Variants in BICRA observed in about 807,000 individuals in gnomAD.
The protein encoded by BICRA is BRD4-interacting chromatin-remodeling complex-associated protein.
Under a neutral mutation model 96.9 loss-of-function variants are expected in BICRA, and 31 were observed. The observed-to-expected ratio is 0.32, with a 90% confidence interval of 0.24 to 0.43. BICRA has a LOEUF of 0.43. BICRA is among the 20% of genes least tolerant of loss of function. The pLI, the probability that BICRA is intolerant of heterozygous loss-of-function variation, is 1.00. For synonymous variants in BICRA, 1,350 were observed against 1,071.8 expected (o/e 1.26, Z -5.07); for missense variants, 2,283 against 2,190.3 (o/e 1.04, Z -0.84).
intron 1 of BICRA, among the ~76,000 whole-genome samples, chr19:47,635,937 A>C (rs1418060048): frequency 3.3e-5 from 5 of 152,192 alleles, no homozygotes; most frequent in Admixed American, 3.3e-4. Flanking sequence ...CCAAAATCTG[A>C]AACTTTTTGA....
At chr19:47,638,861 G>A (rs1972340916) in intron 1 of BICRA, among the ~76,000 whole-genome samples, 1 of 152,024 alleles carries the variant, frequency 6.6e-6, no homozygotes, top group Admixed American at 6.6e-5. Flanking sequence ...CACCATGTTG[G>A]CCAGGCTGGT....
At chr19:47,682,316 C>G (rs371676306) in intron 7 of BICRA, among the ~76,000 whole-genome samples, 164 bp downstream of exon 7, 1 of 152,206 alleles carries the variant, frequency 6.6e-6, no homozygotes, top group Non-Finnish European at 1.5e-5. Flanking sequence ...ATCATGGATG[C>G]CTGAGACCAG....
chr19:47,621,415 T>G (rs1972062666), intron 1 of BICRA, among the ~76,000 whole-genome samples: 1 of 151,942 alleles, frequency 6.6e-6, no homozygotes, highest in Non-Finnish European at 1.5e-5. Context: ...TTGTACCTTC[T>G]CAAGCATGTC....
intron 1 of BICRA, among the ~76,000 whole-genome samples, chr19:47,633,530 T>C (rs561410033): frequency 6.6e-6 from 1 of 152,238 alleles, no homozygotes; most frequent in East Asian, 1.9e-4. Context: ...TAAGGCCTAA[T>C]AGGCAACAGC....
At chr19:47,665,296 C>T (rs909258646) in intron 1 of BICRA, among the ~76,000 whole-genome samples, 11 of 152,210 alleles carry the variant, frequency 7.2e-5, no homozygotes, top group Non-Finnish European at 1.0e-4. Flanking sequence ...TTCATTCATT[C>T]ATCCCACAGA....
chr19:47,667,943 C>T (rs1972807260), intron 1 of BICRA, among the ~76,000 whole-genome samples: 1 of 152,106 alleles, frequency 6.6e-6, no homozygotes, highest in Non-Finnish European at 1.5e-5. Flanking sequence ...GAAATCCCAG[C>T]CTGGGTGGGG....
rs1973388856 is a variant in BICRA, at chr19:47,698,737, C to T, written c.3352C>T (p.His1118Tyr). 1.2e-6 allele frequency: 2 copies of T among 1,609,900 alleles called. No individual in the cohort carries two copies. ...EDALHRLLPYHVYQGALPSPS... is the reference protein window; with the variant it reads ...EDALHRLLPYYVYQGALPSPS... ...CGCCCTGCATCGCCTCCTGCCCTAC[C>T]ATGTCTACCAGGGCGCCCTCCCCTC... The change falls in exon 12 of 15, where the codon CAT becomes TAT. Residue 1118 changes from histidine (H) to tyrosine (Y), a missense_variant. Physicochemically the swap from His to Tyr is moderately conservative, Grantham distance 83. Coordinates refer to ENST00000594866, the MANE Select transcript of BICRA (RefSeq NM_001394372.1). This position sits in a 1 kb window ranked among gnomAD's most constrained non-coding sequence, Gnocchi z 4.8.
chr19:47,698,494 G>T lies in BICRA; in HGVS notation c.3249-140G>T. On this transcript the variant is annotated intron_variant, in intron 11 of 14. Transcript: ENST00000594866. The surrounding 1 kb of genome is among the most constrained non-coding windows in gnomAD (Gnocchi z 4.8). ...TGGAACAAGCACGTTCAGTACATGG[G>T]AACACCACTGCCCAAGTATTCCCCT... The T allele has an allele frequency of 1.6e-6, 1 of 633,448 alleles. No homozygotes were observed. 39.2% of individuals were successfully genotyped at this position (633,448 alleles called of 1,614,324 possible).
Position 47,679,531 on chromosome 19 carries a change from G to A in BICRA, c.361G>A (p.Glu121Lys), listed in dbSNP as rs1339426875. ...ANITEQTLEA[E>K]AELDLGPFQL... ...CATCACGGAGCAGACGCTGGAGGCC[G>A]AGGCTGAGCTGGACCTGGGTCCCTT... The change falls in exon 6 of 15, where the codon GAG (glutamate) becomes AAG (lysine). Residue 121 changes from glutamate to lysine, a missense_variant. Physicochemically the swap from Glu to Lys is moderately conservative, Grantham distance 56. Coordinates refer to ENST00000594866, the MANE Select transcript of BICRA (RefSeq NM_001394372.1). The A allele has an allele frequency of 6.5e-7, 1 of 1,547,674 alleles. No individual in the cohort carries two copies. Among genetic ancestry groups the A allele is most frequent in the Non-Finnish European group, 8.7e-7 (1 of 1,146,118 alleles).
chr19:47,626,921 C>T (rs369067166), intron 1 of BICRA, among the ~76,000 whole-genome samples: 1 of 151,956 alleles, frequency 6.6e-6, no homozygotes, highest in Non-Finnish European at 1.5e-5. Flanking sequence ...GGGGTTTCAC[C>T]ATGTCAGTCA....
chr19:47,700,634 A>G (rs192496382), intron 14 of BICRA: 1 of 152,044 alleles, frequency 6.6e-6, no homozygotes, highest in Admixed American at 6.5e-5. Context: ...TCTCTACTAA[A>G]AATACAATAA....
At chr19:47,639,445 G>GTC (rs1299173398) in intron 1 of BICRA, among the ~76,000 whole-genome samples, 1 of 147,782 alleles carries the variant, frequency 6.8e-6, no homozygotes, top group Admixed American at 7.0e-5. Context: ...TTCTGCCTCA[G>GTC]CCTCCCGAGT....
intron 1 of BICRA, among the ~76,000 whole-genome samples, chr19:47,617,685 A>G (rs1196812872): frequency 1.3e-5 from 2 of 151,870 alleles, no homozygotes; most frequent in African/African-American, 2.4e-5. Context: ...TGTTAAGGAA[A>G]TTTTAAAGCA....
chr19:47,676,633 A>G (rs1972946629), intron 5 of BICRA, among the ~76,000 whole-genome samples: 1 of 138,578 alleles, frequency 7.2e-6, no homozygotes, highest in South Asian at 2.4e-4. Flanking sequence ...CCTCTTCATC[A>G]TCAGAACACG....
At chr19:47,621,400 G>A (rs1324092999) in intron 1 of BICRA, among the ~76,000 whole-genome samples, 1 of 151,532 alleles carries the variant, frequency 6.6e-6, no homozygotes, top group Admixed American at 6.6e-5. Context: ...TGTCTTCCCA[G>A]TGCTTTGTAC....
chr19:47,633,860 A>G (rs983334103), intron 1 of BICRA, among the ~76,000 whole-genome samples: 1 of 152,166 alleles, frequency 6.6e-6, no homozygotes, highest in Admixed American at 6.6e-5. Flanking sequence ...CTGAATATTC[A>G]TATGTTTAGC....
rs141108380 is a variant in BICRA, at chr19:47,683,615, C to T, written c.2283+1463C>T. 5.3e-4 allele frequency among the ~76,000 whole-genome samples: 79 copies of T among 148,938 alleles called. 2 individuals carry two copies. In the South Asian group the frequency reaches 0.011, roughly 21 times the overall value. On this transcript the variant is annotated intron_variant, in intron 7 of 14. Transcript: ENST00000594866. ...TTTTTTTTTTTTTGAGATGGAGTCT[C>T]GCTCTGTTGCCCAGGCTGGAGTGCG...
chr19:47,613,393 T>C (rs1235742225), intron 1 of BICRA, among the ~76,000 whole-genome samples: 1 of 152,164 alleles, frequency 6.6e-6, no homozygotes, highest in Non-Finnish European at 1.5e-5. Flanking sequence ...GGCATTCCTT[T>C]CCAGGCCGCC....
intron 7 of BICRA, among the ~76,000 whole-genome samples, chr19:47,686,697 T>A (rs550590811): frequency 1.3e-5 from 2 of 152,308 alleles, no homozygotes; most frequent in South Asian, 2.1e-4. Context: ...ACTGTTCTTT[T>A]TAAGTGCTGG....
Sources: gnomAD v4.1 joint callset for allele counts (sites outside exome capture counted in the v4.1 genomes callset) on GRCh38, gnomAD v4.1.1 for gene constraint, Gnocchi (gnomAD v3.1) non-coding constraint, MANE v1.5 for transcripts, NCBI Gene and HGNC (gene_info 2026-07-23, HGNC 2026-07-21) for gene names.